Variants in PLEKHA7 observed in about 807,000 individuals in gnomAD.
PLEKHA7 encodes pleckstrin homology domain containing A7.
Under a neutral mutation model 170.0 loss-of-function variants are expected in PLEKHA7, and 104 were observed. The observed-to-expected ratio is 0.61, with a 90% confidence interval of 0.52 to 0.72. The LOEUF (loss-of-function observed/expected upper bound fraction) is 0.72, where lower values mean the gene tolerates loss of function less well. Among genes scored for constraint, PLEKHA7 ranks in the 30% least tolerant of loss-of-function variants. The pLI is 0.00. For missense variants in PLEKHA7, 1,615 were observed against 1,671.7 expected, an observed-to-expected ratio of 0.97 and a Z score of 0.59; for synonymous variants, 648 against 660.8, an observed-to-expected ratio of 0.98 and a Z score of 0.30.
intron 3 of PLEKHA7, among the ~76,000 whole-genome samples, chr11:16,947,276 G>A (rs1254258168): frequency 6.6e-6 from 1 of 152,138 alleles, no homozygotes; most frequent in African/African-American, 2.4e-5. Flanking sequence ...TATTGAAAAT[G>A]GTATAGAGGC....
rs933925520 is a variant in PLEKHA7 at position 16,791,384 on chromosome 11, G to A, written c.2746-185C>T. The A allele has an allele frequency of 1.9e-5, 12 of 620,700 alleles. No individual in the cohort carries two copies. Among genetic ancestry groups the A allele is most frequent in the African/African-American group, 1.1e-4 (6 of 54,304 alleles). The allele number at this position is 620,700 out of a possible 1,614,324, so 38.4% of individuals were successfully genotyped here. A position where few individuals can be genotyped will look rare whatever the true frequency, so the allele number is the denominator to read the frequency against. On this transcript the variant is annotated intron_variant, in intron 19 of 26. Transcript: ENST00000531066. This position sits in a 1 kb window ranked among gnomAD's most constrained non-coding sequence, Gnocchi z 4.5. Reference sequence around the variant, plus strand: ...GAGCAGTGAAGAAGGGACATGCTCTGCTCCTCTATCCCCTCAGAGGTATAC... The same window carrying A: ...GAGCAGTGAAGAAGGGACATGCTCTACTCCTCTATCCCCTCAGAGGTATAC...
At chr11:16,886,916 G>C (rs1856152519) in intron 3 of PLEKHA7, among the ~76,000 whole-genome samples, 1 of 152,090 alleles carries the variant, frequency 6.6e-6, no homozygotes, top group Admixed American at 6.5e-5. Flanking sequence ...CGTTAAGGGT[G>C]TGTAACAGCT....
Position 16,803,482 on chromosome 11 carries a change from A to G in PLEKHA7, c.2008-187T>C, listed in dbSNP as rs940104015. 6.8e-6 allele frequency: 4 copies of G among 588,432 alleles called. No homozygotes were observed. The African/African-American group carries it at 7.4e-5, about 11-fold the overall frequency. The allele number at this position is 588,432 out of a possible 1,614,324, so 36.5% of individuals were successfully genotyped here. ...TATGCCTATTTCATTTTAGGAAAAA[A>G]CCAAAACCTTTTGATGATTCTAGTA... On this transcript the variant is annotated intron_variant, in intron 13 of 26. Coordinates refer to ENST00000531066, the MANE Select transcript of PLEKHA7 (RefSeq NM_001329630.2).
At position 16,846,532 on chromosome 11, in the gene PLEKHA7, A is replaced by C. The variant is rs150397881; in HGVS notation, c.696+4659T>G. 1.8e-4 allele frequency among the ~76,000 whole-genome samples: 27 copies of C among 152,268 alleles called. No homozygotes were observed. In the South Asian group the frequency reaches 2.3e-3, roughly 13 times the overall value. ...CATATTTAAAATGGAACTATGGGTA[A>C]AAGTAGCATTTACCTTATAAGGCCA... On this transcript the variant is annotated intron_variant, in intron 8 of 26. Coordinates refer to ENST00000531066, the MANE Select transcript of PLEKHA7 (RefSeq NM_001329630.2).
At chr11:16,876,237 C>T (rs1565054629) in intron 3 of PLEKHA7, among the ~76,000 whole-genome samples, 1 of 152,248 alleles carries the variant, frequency 6.6e-6, no homozygotes, top group Non-Finnish European at 1.5e-5. Flanking sequence ...AATACCTGTT[C>T]TTAGACCTGA....
At chr11:16,941,861 T>C (rs1240649998) in intron 3 of PLEKHA7, among the ~76,000 whole-genome samples, 1 of 152,240 alleles carries the variant, frequency 6.6e-6, no homozygotes, top group East Asian at 1.9e-4. Context: ...CCTCAGCCAG[T>C]GCACAAGCAT....
At chr11:16,904,121 T>C (rs1474241508) in intron 3 of PLEKHA7, among the ~76,000 whole-genome samples, 1 of 152,232 alleles carries the variant, frequency 6.6e-6, no homozygotes, top group African/African-American at 2.4e-5. Context: ...GGGCTCCCTC[T>C]TGACAGGCCT....
chr11:16,892,706 C>T (rs998360015), intron 3 of PLEKHA7, among the ~76,000 whole-genome samples: 2 of 147,438 alleles, frequency 1.4e-5, no homozygotes, highest in South Asian at 2.2e-4. Context: ...CCTGAGCTCA[C>T]GCAATCCACC....
intron 3 of PLEKHA7, among the ~76,000 whole-genome samples, chr11:16,987,250 TC>T (rs1863787315): frequency 8.1e-6 from 1 of 124,084 alleles, no homozygotes; most frequent in East Asian, 2.4e-4. Context: ...CTCCCCGACC[TC>T]CCATCCCCCA....
intron 17 of PLEKHA7, among the ~76,000 whole-genome samples, chr11:16,797,200 G>C (rs1848292545): frequency 6.6e-6 from 1 of 152,126 alleles, no homozygotes; most frequent in South Asian, 2.1e-4. Context: ...TGGGGTTAAG[G>C]GACTACGGCC....
chr11:16,992,146 C>G (rs958156373), intron 3 of PLEKHA7, among the ~76,000 whole-genome samples: 2 of 152,130 alleles, frequency 1.3e-5, no homozygotes, highest in African/African-American at 4.8e-5. Flanking sequence ...AGCTACGTGA[C>G]TCTGTGTGGG....
At chr11:16,967,034 G>A (rs965824709) in intron 3 of PLEKHA7, among the ~76,000 whole-genome samples, 1 of 152,174 alleles carries the variant, frequency 6.6e-6, no homozygotes, top group Non-Finnish European at 1.5e-5. Flanking sequence ...AAAGGCCACC[G>A]AAGATACGGG....
At chr11:17,014,267 CCCCGCGCCCCCA>C (rs999058505) in intron 1 of PLEKHA7, 37 bp downstream of exon 1, 42 of 1,397,404 alleles carry the variant, frequency 3.0e-5, no homozygotes, top group Non-Finnish European at 3.4e-5. Flanking sequence ...CGGCCCCCGC[CCCCGCGCCCCCA>C]CCCGCGTCCC....
intron 3 of PLEKHA7, among the ~76,000 whole-genome samples, chr11:16,946,262 G>A (rs897192975): frequency 2.6e-5 from 4 of 152,172 alleles, no homozygotes; most frequent in African/African-American, 9.7e-5. Context: ...TGAGGCTTCT[G>A]GCCTTTCTCC....
intron 3 of PLEKHA7, among the ~76,000 whole-genome samples, chr11:17,006,774 A>AGACT (rs1162614124): frequency 6.6e-6 from 1 of 152,178 alleles, no homozygotes; most frequent in Non-Finnish European, 1.5e-5. Flanking sequence ...GTGGCCCAGA[A>AGACT]GACTGTCGGT....
At chr11:16,886,069 G>A (rs1856078459) in intron 3 of PLEKHA7, among the ~76,000 whole-genome samples, 1 of 151,972 alleles carries the variant, frequency 6.6e-6, no homozygotes, top group South Asian at 2.1e-4. Context: ...TCCACAGAGT[G>A]AAAAATCCAG....
At chr11:16,852,120 C>G (rs1370776978) in intron 7 of PLEKHA7, among the ~76,000 whole-genome samples, 163 bp downstream of exon 7, 1 of 152,212 alleles carries the variant, frequency 6.6e-6, no homozygotes, top group African/African-American at 2.4e-5. Context: ...ACGGAAATGA[C>G]TCTGAATCCT....
At position 16,817,441 on chromosome 11, in the gene PLEKHA7, A is replaced by G. The variant is rs1414966049; in HGVS notation, c.1344-119T>C. The G allele has an allele frequency of 1.7e-5, 18 of 1,040,554 alleles. No individual in the cohort carries two copies. The East Asian group carries it at 3.1e-4, about 18-fold the overall frequency. 64.5% of individuals were successfully genotyped at this position (1,040,554 alleles called of 1,614,324 possible). A position where few individuals can be genotyped will look rare whatever the true frequency, so the allele number is the denominator to read the frequency against. ...GTGGGACAGTCCTGTAAGAACCTCA[A>G]AAGAATGATCAAGGCCGACATCCAG... On this transcript the variant is annotated intron_variant, in intron 10 of 26. Coordinates refer to ENST00000531066, the MANE Select transcript of PLEKHA7 (RefSeq NM_001329630.2). This position sits in a 1 kb window ranked among gnomAD's most constrained non-coding sequence, Gnocchi z 4.4.
chr11:17,007,447 C>A (rs1865072229), intron 3 of PLEKHA7, among the ~76,000 whole-genome samples: 1 of 152,040 alleles, frequency 6.6e-6, no homozygotes, highest in South Asian at 2.1e-4. Flanking sequence ...CTCAGCCTCC[C>A]AAGTAGCTGG....
Sources: allele counts gnomAD v4.1 joint callset (sites outside exome capture counted in the v4.1 genomes callset), GRCh38; gene constraint gnomAD v4.1.1; non-coding constraint Gnocchi (gnomAD v3.1); transcripts MANE v1.5; gene names NCBI Gene and HGNC (gene_info 2026-07-23, HGNC 2026-07-21).